Variants in ZCWPW2 observed in about 807,000 individuals in gnomAD.
ZCWPW2 encodes the protein zinc finger CW-type PWWP domain protein 2.
ZCWPW2 carries 45 observed loss-of-function variants against 46.6 expected under a neutral mutation model. That is an observed-to-expected ratio of 0.96 (90% CI 0.76 to 1.24). The LOEUF is 1.24. Ranked by LOEUF, ZCWPW2 falls within the 50% of genes most tolerant of loss-of-function variation. ZCWPW2 has a pLI of 0.00. For missense variants in ZCWPW2, 429 were observed against 403.9 expected (o/e 1.06, Z -0.53); for synonymous variants, 152 against 137.1 (o/e 1.11, Z -0.76).
At chr3:28,360,096 A>G (rs540535377) in intron 1 of ZCWPW2, among the ~76,000 whole-genome samples, 1 of 152,228 alleles carries the variant, frequency 6.6e-6, no homozygotes, top group South Asian at 2.1e-4. Flanking sequence ...ATGCATGGGA[A>G]AGAGTGAAGG....
chr3:28,508,717 G>A (rs573311449), intron 6 of ZCWPW2, among the ~76,000 whole-genome samples: 1 of 152,026 alleles, frequency 6.6e-6, no homozygotes, highest in East Asian at 1.9e-4. Context: ...TAGTAGAGAC[G>A]GGGTTTCACC....
chr3:28,434,306 G>T (rs934316798), intron 3 of ZCWPW2, among the ~76,000 whole-genome samples: 1 of 151,804 alleles, frequency 6.6e-6, no homozygotes, highest in Non-Finnish European at 1.5e-5. Context: ...GCTTATCAGG[G>T]GTGTTAATGA....
At chr3:28,446,984 AGTAGACCT>A (rs1464522976) in intron 4 of ZCWPW2, among the ~76,000 whole-genome samples, 9 of 152,200 alleles carry the variant, frequency 5.9e-5, no homozygotes, top group Non-Finnish European at 1.0e-4. Flanking sequence ...AGAAAACCTG[AGTAGACCT>A]GTAACTAGTA....
At chr3:28,371,995 C>CCTCCTCTTT (rs1482059293) in intron 1 of ZCWPW2, among the ~76,000 whole-genome samples, 1 of 151,550 alleles carries the variant, frequency 6.6e-6, no homozygotes, top group African/African-American at 2.4e-5. Flanking sequence ...TCCTCCTGCT[C>CCTCCTCTTT]CTCCTCTTTC....
intron 4 of ZCWPW2, among the ~76,000 whole-genome samples, chr3:28,457,163 G>A (rs1395454539): frequency 6.6e-6 from 1 of 152,080 alleles, no homozygotes; most frequent in East Asian, 1.9e-4. Context: ...CCTAAACAGT[G>A]CTGACTAAAC....
intron 1 of ZCWPW2, among the ~76,000 whole-genome samples, chr3:28,387,011 G>A (rs79153741): frequency 4.6e-3 from 704 of 152,280 alleles, no homozygotes; most frequent in Non-Finnish European, 8.2e-3. Context: ...AATATCAGTA[G>A]ACTACCGAAG....
intron 5 of ZCWPW2, among the ~76,000 whole-genome samples, chr3:28,489,039 G>A (rs1699707316): frequency 1.3e-5 from 2 of 152,156 alleles, no homozygotes; most frequent in South Asian, 4.2e-4. Context: ...ACTTTTATTG[G>A]AAGATGGTTT....
intron 2 of ZCWPW2, among the ~76,000 whole-genome samples, chr3:28,402,998 T>A (rs1442066690): frequency 6.6e-6 from 1 of 152,142 alleles, no homozygotes; most frequent in Non-Finnish European, 1.5e-5. Flanking sequence ...AAGACAAGGA[T>A]GCCCACTCTC....
chr3:28,496,594 A>G (rs1167481966), intron 6 of ZCWPW2, among the ~76,000 whole-genome samples: 1 of 151,978 alleles, frequency 6.6e-6, no homozygotes, highest in Non-Finnish European at 1.5e-5. Context: ...AATTTCACTT[A>G]GTAAGGTAGC....
chr3:28,514,044 T>G lies in ZCWPW2; in HGVS notation c.658-20T>G. On this transcript the variant is annotated intron_variant, in intron 6 of 9. Transcript: ENST00000383768. ...TTAGTCCTATATGAACTAACTCATA[T>G]TTTTGTTTTTGTGTTATAGAAGCAG... 6.7e-7 allele frequency: 1 copy of G among 1,485,762 alleles called. No homozygotes were observed. Among genetic ancestry groups the G allele is most frequent in the Non-Finnish European group, 9.2e-7 (1 of 1,090,480 alleles). 92.0% of individuals were successfully genotyped at this position (1,485,762 alleles called of 1,614,324 possible).
rs146740745 is a variant in ZCWPW2 at position 28,467,865 on chromosome 3, C to T, written c.493-10949C>T. ...CCCAAAAACAGCAGGTGCAAACAAA[C>T]CCATATCGTGAAGACTACAATAAAT... On this transcript the variant is annotated intron_variant, in intron 4 of 9. Transcript: ENST00000383768. Among the ~76,000 whole-genome samples, 386 of 152,214 alleles carry T rather than the reference C, an allele frequency of 2.5e-3. 1 individual carries two copies. The highest frequency in any genetic ancestry group is 8.4e-3 in the African/African-American group (350 of 41,546).
intron 4 of ZCWPW2, among the ~76,000 whole-genome samples, chr3:28,466,615 A>G (rs1465210359): frequency 6.6e-6 from 1 of 152,140 alleles, no homozygotes; most frequent in Non-Finnish European, 1.5e-5. Context: ...CCTGGCCAAC[A>G]TGGTGAAACC....
rs747405406 is a variant in ZCWPW2 at position 28,413,090 on chromosome 3, G to A, written c.22G>A (p.Val8Ile). The change falls in exon 3 of 10, where the codon GTT becomes ATT. Residue 8 changes from valine to isoleucine, a missense_variant. Val to Ile is a conservative substitution (Grantham distance 29). Coordinates refer to ENST00000383768, the MANE Select transcript of ZCWPW2 (RefSeq NM_001040432.4). MDKEKLD[V>I]KIEYCNYAMD... The stretch of plus-strand genomic sequence containing the variant: ...CTTAATGGATAAAGAAAAATTGGAT[G>A]TTAAGATTGAATATTGTAACTATGC... 1 of 1,610,260 alleles carries A rather than the reference G, an allele frequency of 6.2e-7. No individual in the cohort carries two copies.
At chr3:28,381,133 G>A (rs1695091345) in intron 1 of ZCWPW2, among the ~76,000 whole-genome samples, 1 of 138,148 alleles carries the variant, frequency 7.2e-6, no homozygotes, top group Non-Finnish European at 1.5e-5. Context: ...CTCTTGAAAG[G>A]ATGGCAGATG....
chr3:28,491,242 A>T (rs1344930932), intron 5 of ZCWPW2, among the ~76,000 whole-genome samples: 1 of 152,120 alleles, frequency 6.6e-6, no homozygotes, highest in Non-Finnish European at 1.5e-5. Flanking sequence ...ATACAGCTGG[A>T]TATAGGAAAG....
At chr3:28,369,300 G>C (rs1285178665) in intron 1 of ZCWPW2, among the ~76,000 whole-genome samples, 1 of 152,026 alleles carries the variant, frequency 6.6e-6, no homozygotes, top group Non-Finnish European at 1.5e-5. Flanking sequence ...TCTACCTTTG[G>C]TCTTTGATGA....
Position 28,381,027 on chromosome 3 carries a change from ATATATATATATATATATTTGGTG to A in ZCWPW2, c.-133-9453_-133-9431del, listed in dbSNP as rs1559480949. On this transcript the variant is annotated intron_variant, in intron 1 of 9. Coordinates refer to ENST00000383768, the MANE Select transcript of ZCWPW2 (RefSeq NM_001040432.4). ...ATATATATATATATATATATTTGGT[ATATATATATATATATATTTGGTG>A]TATATATATATATATATATATATAT... is the stretch of plus-strand genomic sequence containing the variant. 2.1e-3 allele frequency among the ~76,000 whole-genome samples: 27 copies of A among 12,954 alleles called. 6 individuals are homozygous for A. The highest frequency in any genetic ancestry group is 8.2e-3 in the African/African-American group (27 of 3,276). 8.5% of individuals were successfully genotyped at this position (12,954 alleles called of 152,430 possible).
intron 2 of ZCWPW2, among the ~76,000 whole-genome samples, chr3:28,410,439 T>G (rs1474002504): frequency 6.6e-6 from 1 of 151,876 alleles, no homozygotes; most frequent in South Asian, 2.1e-4. Flanking sequence ...TGCACACATA[T>G]AACATTCACA....
chr3:28,402,462 A>T (rs537041291), intron 2 of ZCWPW2, among the ~76,000 whole-genome samples: 1 of 152,268 alleles, frequency 6.6e-6, no homozygotes, highest in South Asian at 2.1e-4. Flanking sequence ...TTCACAGCAA[A>T]ATTCTGCCAG....
Sources: gnomAD v4.1 joint callset for allele counts (sites outside exome capture counted in the v4.1 genomes callset) on GRCh38, gnomAD v4.1.1 for gene constraint, MANE v1.5 for transcripts, NCBI Gene and HGNC (gene_info 2026-07-23, HGNC 2026-07-21) for gene names.